The following ARHGAP20 variants were observed in gnomAD, a reference collection of about 807,000 sequenced individuals.
The protein encoded by ARHGAP20 is Rho GTPase activating protein 20, also known as rho GTPase-activating protein 20.
In ARHGAP20, 34 loss-of-function variants were observed where a neutral mutation model predicts 73.7. That is an observed-to-expected ratio of 0.46 (90% CI 0.35 to 0.61). The LOEUF (loss-of-function observed/expected upper bound fraction) is 0.61, where lower values mean the gene tolerates loss of function less well. ARHGAP20 is among the 20% of genes least tolerant of loss of function. ARHGAP20 has a pLI of 0.00. For missense variants in ARHGAP20, 1,314 were observed against 1,420.9 expected, an observed-to-expected ratio of 0.92 and a Z score of 1.21; for synonymous variants, 523 against 518.2, an observed-to-expected ratio of 1.01 and a Z score of -0.13.
intron 2 of ARHGAP20, among the ~76,000 whole-genome samples, chr11:110,661,155 C>T (rs1271705937): frequency 4.6e-5 from 7 of 152,148 alleles, no homozygotes; most frequent in Non-Finnish European, 8.8e-5. Context: ...CTTTTCCTGT[C>T]TTTATCCTAT....
chr11:110,628,649 A>G (rs1294765631), intron 3 of ARHGAP20, among the ~76,000 whole-genome samples: 16 of 152,202 alleles, frequency 1.1e-4, no homozygotes, highest in Non-Finnish European at 2.4e-4. Context: ...AAGTACTTAA[A>G]ATAATCTTTC....
At chr11:110,666,766 C>CAGGAGATGG (rs1949732090) in intron 2 of ARHGAP20, among the ~76,000 whole-genome samples, 1 of 152,170 alleles carries the variant, frequency 6.6e-6, no homozygotes, top group Non-Finnish European at 1.5e-5. Context: ...GATCTGTGAT[C>CAGGAGATGG]AGTAATCTTT....
intron 1 of ARHGAP20, among the ~76,000 whole-genome samples, chr11:110,705,699 C>T (rs891444346): frequency 2.0e-5 from 3 of 152,136 alleles, no homozygotes; most frequent in African/African-American, 7.2e-5. Context: ...TTCCTCCAGA[C>T]TCAGTGGAGC....
chr11:110,648,154 A>AATATATATATATATGTAAATAT (rs755384534), intron 2 of ARHGAP20, among the ~76,000 whole-genome samples: 2 of 131,316 alleles, frequency 1.5e-5, no homozygotes, highest in Non-Finnish European at 3.2e-5. Flanking sequence ...TGATATATAT[A>AATATATATATATATGTAAATAT]ATATATATAT....
In ARHGAP20 at chr11:110,598,956, C is replaced by T. The variant is rs920022278; in HGVS notation, c.965-6801G>A. ...TTGCAGGCCTGAGCTTCCTGCTCCA[C>T]AGAGCAGGTAGGAGCCTTGCCCTCC... On this transcript the variant is annotated intron_variant, in intron 9 of 14. Transcript: ENST00000683387. Among the ~76,000 whole-genome samples, 5 of 151,674 alleles carry T rather than the reference C, an allele frequency of 3.3e-5. No homozygotes were observed. The East Asian group carries it at 5.8e-4, about 18-fold the overall frequency.
chr11:110,606,766 C>A lies in ARHGAP20; in HGVS notation c.776-17G>T. On this transcript the variant is annotated splice_polypyrimidine_tract_variant and intron_variant, in intron 8 of 14. Coordinates refer to ENST00000683387, the MANE Select transcript of ARHGAP20 (RefSeq NM_001384657.1). ...ATTCATGCCCTACACAGAGACAAATCTAAATGTAGACTTCAGGCTGACTGG... is the reference window on the plus strand; with the variant it reads ...ATTCATGCCCTACACAGAGACAAATATAAATGTAGACTTCAGGCTGACTGG... 1.3e-6 allele frequency: 2 copies of A among 1,508,566 alleles called. No homozygotes were observed. Among genetic ancestry groups the A allele is most frequent in the African/African-American group, 1.4e-5 (1 of 70,836 alleles). 93.4% of individuals were successfully genotyped at this position (1,508,566 alleles called of 1,614,324 possible).
At chr11:110,711,614 G>A (rs1234040592) in intron 1 of ARHGAP20, 26 of 1,487,704 alleles carry the variant, frequency 1.7e-5, no homozygotes, top group Non-Finnish European at 2.0e-5. Context: ...TCGGCGGGCA[G>A]GTGAGGGGGC....
At chr11:110,640,068 T>C (rs1222324695) in intron 2 of ARHGAP20, among the ~76,000 whole-genome samples, 2 of 152,020 alleles carry the variant, frequency 1.3e-5, no homozygotes, top group Non-Finnish European at 2.9e-5. Flanking sequence ...AGGATCCTAG[T>C]GTTACTTTAG....
At chr11:110,637,635 G>C (rs1049346128) in intron 2 of ARHGAP20, among the ~76,000 whole-genome samples, 1 of 152,134 alleles carries the variant, frequency 6.6e-6, no homozygotes, top group Non-Finnish European at 1.5e-5. Context: ...GCCAGGCATA[G>C]GAACTAGATT....
At chr11:110,696,522 G>A (rs1052064544) in intron 1 of ARHGAP20, among the ~76,000 whole-genome samples, 17 of 151,644 alleles carry the variant, frequency 1.1e-4, no homozygotes, top group South Asian at 2.1e-4. Context: ...GTTCTTCAGA[G>A]ATCTGAGGAA....
chr11:110,712,093 G>A (rs1370306194), intron 1 of ARHGAP20, 34 bp downstream of exon 1: 1 of 1,271,382 alleles, frequency 7.9e-7, no homozygotes, highest in Non-Finnish European at 1.0e-6. Flanking sequence ...GGCTGCGGCG[G>A]CGGAGGGCAC....
intron 4 of ARHGAP20, among the ~76,000 whole-genome samples, chr11:110,617,568 A>G (rs1948511590): frequency 6.6e-6 from 1 of 152,130 alleles, no homozygotes; most frequent in South Asian, 2.1e-4. Flanking sequence ...TGGCCAATTC[A>G]TTCTCATTGC....
chr11:110,673,182 A>G (rs67863525), intron 2 of ARHGAP20, among the ~76,000 whole-genome samples: 34,665 of 152,098 alleles, frequency 0.23, 3,970 homozygotes, highest in South Asian at 0.32. Flanking sequence ...AAAGATCCTA[A>G]ACTTTATGGA....
At chr11:110,644,124 G>A (rs1949133681) in intron 2 of ARHGAP20, among the ~76,000 whole-genome samples, 1 of 151,650 alleles carries the variant, frequency 6.6e-6, no homozygotes, top group South Asian at 2.1e-4. Flanking sequence ...AACTCTACAA[G>A]GAGAACTACA....
At chr11:110,675,694 G>A (rs1949916322) in intron 2 of ARHGAP20, among the ~76,000 whole-genome samples, 1 of 152,132 alleles carries the variant, frequency 6.6e-6, no homozygotes, top group African/African-American at 2.4e-5. Context: ...GTGCTGCCAG[G>A]TTCCTAACAG....
chr11:110,624,819 T>G (rs1948702526), intron 3 of ARHGAP20, among the ~76,000 whole-genome samples: 1 of 152,152 alleles, frequency 6.6e-6, no homozygotes, highest in South Asian at 2.1e-4. Context: ...TTAGTCCTCA[T>G]GCCTGCATTT....
intron 2 of ARHGAP20, among the ~76,000 whole-genome samples, chr11:110,632,973 T>C (rs1286230416): frequency 6.6e-6 from 1 of 152,196 alleles, no homozygotes; most frequent in Non-Finnish European, 1.5e-5. Context: ...TGACAAAAAG[T>C]TTTAAATTTT....
chr11:110,614,814 A>G (rs1948448761), intron 5 of ARHGAP20, among the ~76,000 whole-genome samples, 169 bp from the exon 6 acceptor site: 1 of 152,238 alleles, frequency 6.6e-6, no homozygotes, highest in East Asian at 1.9e-4. Context: ...TATGGGTTGG[A>G]AGAGAATAAA....
At chr11:110,674,017 C>A (rs1949881319) in intron 2 of ARHGAP20, among the ~76,000 whole-genome samples, 1 of 151,774 alleles carries the variant, frequency 6.6e-6, no homozygotes. Flanking sequence ...CAGCTCACTG[C>A]AACTTCTGCC....
Sources: gnomAD v4.1 joint callset for allele counts (sites outside exome capture counted in the v4.1 genomes callset) on GRCh38, gnomAD v4.1.1 for gene constraint, MANE v1.5 for transcripts, NCBI Gene and HGNC (gene_info 2026-07-23, HGNC 2026-07-21) for gene names.